HIVEP3: variants seen among roughly 807,000 people sequenced by gnomAD.
HIVEP3 encodes the protein transcription factor HIVEP3.
Under a neutral mutation model 152.8 loss-of-function variants are expected in HIVEP3, and 49 were observed. The observed-to-expected ratio is 0.32, with a 90% confidence interval of 0.26 to 0.41. The LOEUF (loss-of-function observed/expected upper bound fraction) is 0.41, where lower values mean the gene tolerates loss of function less well. Ranked by LOEUF, HIVEP3 falls within the 10% of genes least tolerant of loss-of-function variation. HIVEP3 has a pLI of 1.00. For missense variants in HIVEP3, 2,790 were observed against 3,103.3 expected (o/e 0.90, Z 2.40); for synonymous variants, 1,269 against 1,289.0 (o/e 0.98, Z 0.33).
chr1:41,740,420 T>C (rs376790920), intron 1 of HIVEP3, among the ~76,000 whole-genome samples: 1 of 152,222 alleles, frequency 6.6e-6, no homozygotes, highest in African/African-American at 2.4e-5. Context: ...CCTGGTGTGA[T>C]TGGGCGAGGA....
At chr1:41,845,196 G>A (rs1271981316) in intron 1 of HIVEP3, among the ~76,000 whole-genome samples, 1 of 87,842 alleles carries the variant, frequency 1.1e-5, no homozygotes, top group Non-Finnish European at 2.2e-5. Context: ...CACTTTCTAA[G>A]AGACTACAAT....
At chr1:41,531,344 C>G (rs1643244946) in intron 5 of HIVEP3, among the ~76,000 whole-genome samples, 1 of 127,480 alleles carries the variant, frequency 7.8e-6, no homozygotes, top group Admixed American at 8.0e-5. Context: ...ACATAGAGGA[C>G]AGGGGAGATG....
intron 1 of HIVEP3, among the ~76,000 whole-genome samples, chr1:41,753,497 G>A (rs761403189): frequency 5.3e-5 from 8 of 151,988 alleles, no homozygotes; most frequent in Middle Eastern, 3.4e-3. Context: ...GTGAAATCCC[G>A]TCTCTACTAA....
intron 1 of HIVEP3, among the ~76,000 whole-genome samples, chr1:41,881,494 A>G (rs1390671367): frequency 6.6e-6 from 1 of 152,258 alleles, no homozygotes; most frequent in Non-Finnish European, 1.5e-5. Flanking sequence ...TATGCTGATT[A>G]GTCAAATTTT....
At chr1:41,910,734 A>G (rs1268856254) in intron 1 of HIVEP3, among the ~76,000 whole-genome samples, 1 of 151,976 alleles carries the variant, frequency 6.6e-6, no homozygotes, top group Admixed American at 6.6e-5. Context: ...CAAATTAAAG[A>G]AAAAAATTAT....
Position 41,510,529 on chromosome 1 carries a change from G to T in HIVEP3, c.7143C>A (p.Asp2381Glu). 1 of 1,586,132 alleles carries T rather than the reference G, an allele frequency of 6.3e-7. No individual in the cohort carries two copies. Among genetic ancestry groups the T allele is most frequent in the Non-Finnish European group, 8.6e-7 (1 of 1,166,420 alleles). The change falls in exon 9 of 9, where the codon GAC becomes GAA. Residue 2381 changes from aspartate (D) to glutamate (E), a missense_variant. Physicochemically the swap from Asp to Glu is conservative, Grantham distance 45. Coordinates refer to ENST00000372583, the MANE Select transcript of HIVEP3 (RefSeq NM_024503.5). ...CCCCACTTCCTGAGGGCTTGGGGGA[G>T]TCCTGCCTGGTCCTGGGTTCCCCGG... ...NLSGEPRTRQ[D>E]SPKPSGSGEP...
chr1:41,742,906 TCTAA>T (rs933329425), intron 1 of HIVEP3, among the ~76,000 whole-genome samples: 2 of 152,196 alleles, frequency 1.3e-5, no homozygotes, highest in African/African-American at 4.8e-5. Context: ...TATCCATCAC[TCTAA>T]CTGTGTGGTG....
At chr1:42,001,796 A>T (rs1304176385) in intron 1 of HIVEP3, among the ~76,000 whole-genome samples, 10 of 152,316 alleles carry the variant, frequency 6.6e-5, no homozygotes, top group African/African-American at 2.4e-4. Flanking sequence ...ACTACTTGAT[A>T]AACAGTCACT....
At chr1:41,929,254 A>G (rs1185517590) in intron 1 of HIVEP3, among the ~76,000 whole-genome samples, 1 of 152,036 alleles carries the variant, frequency 6.6e-6, no homozygotes, top group Non-Finnish European at 1.5e-5. Context: ...TTCAACTTTT[A>G]TTTTTATCAA....
At chr1:41,682,070 G>T (rs1050179158) in intron 2 of HIVEP3, among the ~76,000 whole-genome samples, 2 of 151,962 alleles carry the variant, frequency 1.3e-5, no homozygotes, top group Admixed American at 1.3e-4. Context: ...GCCAGCCCAA[G>T]CCCTCTTACC....
chr1:41,941,312 G>A (rs544590107), intron 1 of HIVEP3, among the ~76,000 whole-genome samples: 15 of 152,306 alleles, frequency 9.8e-5, no homozygotes, highest in African/African-American at 3.1e-4. Context: ...CAGAAAAGCG[G>A]GAGCCATTGA....
rs1283513856 is a variant in HIVEP3 at position 41,533,427 on chromosome 1, C to T, written c.5208-8517G>A. ...CCATCACAAATCAACCAGCCCCAAG[C>T]CTCCCTGGGCCCAAATCCCGGGCCA... is the stretch of plus-strand genomic sequence containing the variant. On this transcript the variant is annotated intron_variant, in intron 5 of 8. Coordinates refer to ENST00000372583, the MANE Select transcript of HIVEP3 (RefSeq NM_024503.5). This position sits in a 1 kb window ranked among gnomAD's most constrained non-coding sequence, Gnocchi z 4.3. Among the ~76,000 whole-genome samples, 1 of 152,088 alleles carries T rather than the reference C, an allele frequency of 6.6e-6. No homozygotes were observed. The highest frequency in any genetic ancestry group is 1.5e-5 in the Non-Finnish European group (1 of 68,022).
Position 41,510,603 on chromosome 1 carries a change from A to T in HIVEP3, c.7069T>A (p.Cys2357Ser). 6.4e-7 allele frequency: 1 copy of T among 1,555,306 alleles called. No individual in the cohort carries two copies. Among genetic ancestry groups the T allele is most frequent in the East Asian group, 2.4e-5 (1 of 41,382 alleles). ...AAGCGGGCAGAGGCCTCTGCCAGGC[A>T]GCCCACAGAGCTGCTGCGGTCCAGC... ...PPLDRSSSVGCLAEASARFPA... is the reference protein window; with the variant it reads ...PPLDRSSSVGSLAEASARFPA... Residue 2357 changes from cysteine to serine, a missense_variant, in exon 9 of 9, where the codon TGC becomes AGC. By Grantham distance (112) the Cys-to-Ser change is moderately radical. Around this residue, in one of 9 missense-constraint regions of HIVEP3, gnomAD observed 816 missense variants for 806.5 expected, o/e 1.01. Transcript: ENST00000372583.
chr1:41,882,598 C>T (rs1473803824), intron 1 of HIVEP3, among the ~76,000 whole-genome samples: 1 of 152,086 alleles, frequency 6.6e-6, no homozygotes, highest in Non-Finnish European at 1.5e-5. Context: ...TTTTTACTTA[C>T]TTCCAAGGCA....
chr1:41,848,937 T>TC, intron 1 of HIVEP3: 1 of 152,582 alleles, frequency 6.6e-6, no homozygotes, highest in South Asian at 2.1e-4. Flanking sequence ...TGTGCCAGTT[T>TC]CCCTTCAAGC....
At chr1:41,888,182 C>T (rs910724417) in intron 1 of HIVEP3, among the ~76,000 whole-genome samples, 3 of 150,610 alleles carry the variant, frequency 2.0e-5, no homozygotes, top group Admixed American at 1.3e-4. Context: ...ACTACAGGCA[C>T]CCACCACCAC....
At chr1:41,995,053 T>C (rs1645388101) in intron 1 of HIVEP3, among the ~76,000 whole-genome samples, 1 of 152,160 alleles carries the variant, frequency 6.6e-6, no homozygotes, top group African/African-American at 2.4e-5. Context: ...ACATACGTTT[T>C]ATTCAGAGTA....
intron 1 of HIVEP3, among the ~76,000 whole-genome samples, chr1:41,825,953 T>A (rs1239940890): frequency 1.3e-5 from 2 of 152,078 alleles, no homozygotes; most frequent in Non-Finnish European, 2.9e-5. Flanking sequence ...CTTGGCCCCA[T>A]GAGCAACTCC....
intron 1 of HIVEP3, among the ~76,000 whole-genome samples, chr1:41,876,243 T>G (rs1162970422): frequency 6.6e-6 from 1 of 152,190 alleles, no homozygotes; most frequent in Non-Finnish European, 1.5e-5. Flanking sequence ...ATATCCCAGA[T>G]TAAGCAATGT....
Sources: allele counts gnomAD v4.1 joint callset (sites outside exome capture counted in the v4.1 genomes callset), GRCh38; gene constraint gnomAD v4.1.1; regional missense constraint gnomAD v4.1.1; non-coding constraint Gnocchi (gnomAD v3.1); transcripts MANE v1.5; gene names NCBI Gene and HGNC (gene_info 2026-07-23, HGNC 2026-07-21).